ACACA: variants seen among roughly 807,000 people sequenced by gnomAD.
ACACA encodes acetyl-CoA carboxylase 1.
Under a neutral mutation model 296.1 loss-of-function variants are expected in ACACA, and 103 were observed. The ratio of observed to expected loss-of-function variants is 0.35; its 90% CI spans 0.30 to 0.41. ACACA has a LOEUF of 0.41. ACACA is among the 10% of genes least tolerant of loss of function. ACACA has a pLI of 1.00. For synonymous variants in ACACA, 953 were observed against 1,038.6 expected (o/e 0.92, Z 1.58); for missense variants, 1,554 against 2,989.7 (o/e 0.52, Z 11.20).
At chr17:37,111,043 G>C (rs1304595960) in intron 52 of ACACA, among the ~76,000 whole-genome samples, 1 of 152,132 alleles carries the variant, frequency 6.6e-6, no homozygotes, top group Non-Finnish European at 1.5e-5. Flanking sequence ...TCTGGCTGCA[G>C]CTACTGTTTG....
At chr17:37,219,534 T>A (rs923325892) in intron 29 of ACACA, among the ~76,000 whole-genome samples, 2 of 152,042 alleles carry the variant, frequency 1.3e-5, no homozygotes, top group Non-Finnish European at 2.9e-5. Context: ...ACTGAGCCCT[T>A]AGCCTGTGGC....
chr17:37,219,449 C>T (rs79085310), intron 29 of ACACA, among the ~76,000 whole-genome samples: 3,829 of 151,990 alleles, frequency 0.025, 86 homozygotes, highest in African/African-American at 0.055. Context: ...AATTTGTAGC[C>T]AGTTGGTCAG....
rs142776856 is a variant in ACACA at position 37,303,316 on chromosome 17, A to G, written c.339-18346T>C. Among the ~76,000 whole-genome samples the G allele has an allele frequency of 4.8e-3, 724 of 152,340 alleles. 4 individuals are homozygous for G. The highest frequency in any genetic ancestry group is 0.034 in the Middle Eastern group (10 of 294). On this transcript the variant is annotated intron_variant, in intron 3 of 55. Transcript: ENST00000616317. Reference sequence around the variant, plus strand: ...CATAATGTTTTCAATGCTGTAGCATATATCAGTACTTCATTTCTTTTTATG... The same window carrying G: ...CATAATGTTTTCAATGCTGTAGCATGTATCAGTACTTCATTTCTTTTTATG...
intron 54 of ACACA, among the ~76,000 whole-genome samples, chr17:37,093,554 G>C (rs1159125229): frequency 6.6e-6 from 1 of 152,186 alleles, no homozygotes; most frequent in Admixed American, 6.5e-5. Context: ...CTGGGGTGCA[G>C]TGGCGCCATC....
intron 9 of ACACA, among the ~76,000 whole-genome samples, chr17:37,271,515 C>CA (rs1056081430): frequency 1.1e-4 from 17 of 150,262 alleles, no homozygotes; most frequent in Admixed American, 4.0e-4. Flanking sequence ...AACTCCATCT[C>CA]AAAAAAAACA....
At chr17:37,184,732 C>T (rs568513643) in intron 39 of ACACA, among the ~76,000 whole-genome samples, 1 of 151,674 alleles carries the variant, frequency 6.6e-6, no homozygotes, top group South Asian at 2.1e-4. Flanking sequence ...GCCTTTAGTC[C>T]CAGCTACTTA....
chr17:37,342,722 A>C (rs2048441959), intron 1 of ACACA, among the ~76,000 whole-genome samples: 1 of 151,104 alleles, frequency 6.6e-6, no homozygotes, highest in Non-Finnish European at 1.5e-5. Flanking sequence ...AGGCGGGAGA[A>C]TCCCTTGAGT....
At chr17:37,244,460 G>C in intron 21 of ACACA, 128 bp downstream of exon 21, 1 of 1,100,718 alleles carries the variant, frequency 9.1e-7, no homozygotes, top group Non-Finnish European at 1.4e-6. Flanking sequence ...CACAACTGAA[G>C]GTGAAAGAGT....
At chr17:37,223,347 A>G (rs1219002759) in intron 28 of ACACA, among the ~76,000 whole-genome samples, 165 bp downstream of exon 28, 1 of 152,236 alleles carries the variant, frequency 6.6e-6, no homozygotes, top group Non-Finnish European at 1.5e-5. Context: ...ACACTTGAGT[A>G]AAGTATCTGA....
At chr17:37,193,701 A>G (rs999411637) in intron 35 of ACACA, among the ~76,000 whole-genome samples, 1 of 152,124 alleles carries the variant, frequency 6.6e-6, no homozygotes, top group Non-Finnish European at 1.5e-5. Context: ...AGTGAAAAAA[A>G]TTTTTTTGCT....
intron 33 of ACACA, among the ~76,000 whole-genome samples, chr17:37,204,289 A>G (rs1489619525): frequency 2.0e-5 from 3 of 152,180 alleles, no homozygotes; most frequent in Non-Finnish European, 4.4e-5. Flanking sequence ...CCTCAACTAG[A>G]CTATAAGCAT....
intron 7 of ACACA, 30 bp from the exon 8 acceptor site, chr17:37,276,079 C>G: frequency 6.5e-7 from 1 of 1,544,100 alleles, no homozygotes; most frequent in Non-Finnish European, 9.0e-7. Flanking sequence ...AGAATCCTGA[C>G]TGTAACACCT....
intron 52 of ACACA, among the ~76,000 whole-genome samples, chr17:37,105,108 G>T (rs1224879648): frequency 6.6e-6 from 1 of 152,106 alleles, no homozygotes; most frequent in Non-Finnish European, 1.5e-5. Flanking sequence ...GTAGGATTTG[G>T]GGGAGGTGAC....
intron 3 of ACACA, among the ~76,000 whole-genome samples, chr17:37,286,171 T>C (rs2082762577): frequency 6.6e-6 from 1 of 152,140 alleles, no homozygotes; most frequent in African/African-American, 2.4e-5. Context: ...ATTACAGGCA[T>C]GAGCCACCGC....
intron 1 of ACACA, chr17:37,375,922 C>G: frequency 3.7e-6 from 2 of 543,046 alleles, no homozygotes; most frequent in Admixed American, 3.2e-5. Context: ...CCAATTAGAT[C>G]TATTCCTGGG....
intron 25 of ACACA, among the ~76,000 whole-genome samples, chr17:37,229,004 C>A (rs138935281): frequency 0.025 from 3,846 of 151,742 alleles, 87 homozygotes; most frequent in African/African-American, 0.056. Context: ...ATTAGCCGGG[C>A]GTGGTGGCGG....
chr17:37,148,545 CA>C (rs781072261), intron 45 of ACACA, among the ~76,000 whole-genome samples: 14 of 152,198 alleles, frequency 9.2e-5, no homozygotes, highest in South Asian at 8.3e-4. Context: ...AATGACAGAA[CA>C]CTTAATTCTT....
chr17:37,388,532 G>A (rs1295829567), intron 1 of ACACA: 11 of 1,015,312 alleles, frequency 1.1e-5, no homozygotes, highest in Non-Finnish European at 1.6e-5. Flanking sequence ...AGTTTGAATT[G>A]GAAATTCTGC....
chr17:37,091,882 TAC>T (rs373999311), intron 54 of ACACA, among the ~76,000 whole-genome samples: 20 of 152,224 alleles, frequency 1.3e-4, no homozygotes, highest in South Asian at 8.3e-4. Context: ...AGCCAGAGCC[TAC>T]AGTTTCTTGT....
Sources: gnomAD v4.1 joint callset for allele counts (sites outside exome capture counted in the v4.1 genomes callset) on GRCh38, gnomAD v4.1.1 for gene constraint, MANE v1.5 for transcripts, NCBI Gene and HGNC (gene_info 2026-07-23, HGNC 2026-07-21) for gene names.